ITFG2: variants seen among roughly 807,000 people sequenced by gnomAD.
ITFG2 encodes integrin alpha FG-GAP repeat containing 2, also known as KICSTOR complex protein ITFG2.
ITFG2 carries 36 observed loss-of-function variants against 54.4 expected under a neutral mutation model. The observed-to-expected ratio is 0.66, with a 90% confidence interval of 0.51 to 0.87. The LOEUF is 0.87. Ranked by LOEUF, ITFG2 falls within the 40% of genes least tolerant of loss-of-function variation. The pLI, the probability that ITFG2 is intolerant of heterozygous loss-of-function variation, is 0.00. For synonymous variants in ITFG2, 211 were observed against 225.4 expected (o/e 0.94, Z 0.57); for missense variants, 524 against 576.7 (o/e 0.91, Z 0.94).
chr12:2,851,720 C>A (rs2098071650), intron 2 of ITFG2, among the ~76,000 whole-genome samples: 1 of 151,150 alleles, frequency 6.6e-6, no homozygotes, highest in Non-Finnish European at 1.5e-5. Flanking sequence ...GATCTGTCAC[C>A]CAGGCTGGAA....
At chr12:2,830,931 CTTAGATACCCCAG>C, downstream of ITFG2, 1 of 1,534,856 alleles carries the variant, frequency 6.5e-7, no homozygotes, top group Admixed American at 1.8e-5. Context: ...AGTTACCCCA[CTTAGATACCCCAG>C]GATGCTCCCC....
chr12:2,820,906 G>T (rs1422154457), intron 6 of ITFG2, 34 bp downstream of exon 6: 1 of 1,607,156 alleles, frequency 6.2e-7, no homozygotes, highest in South Asian at 1.1e-5. Flanking sequence ...TGGTGTGGGG[G>T]TGCATGGAAG....
Position 2,821,355 on chromosome 12 carries a change from A to G in ITFG2, c.789A>G (p.Lys263=). 1.2e-6 allele frequency: 2 copies of G among 1,606,074 alleles called. No individual in the cohort carries two copies. Among genetic ancestry groups the G allele is most frequent in the Non-Finnish European group, 1.7e-6 (2 of 1,175,776 alleles). The change falls in exon 7 of 12, where the codon AAA becomes AAG. Residue 263 remains lysine (K), a synonymous_variant. Coordinates refer to ENST00000228799, the MANE Select transcript of ITFG2 (RefSeq NM_018463.4). ...NVSTHLIGNI[K]QGHGTESSGS... The stretch of plus-strand genomic sequence containing the variant: ...CCACTCACCTAATTGGCAACATCAA[A>G]CAAGGTGAAAGTGTGGTGGGTGTGA...
At chr12:2,828,302 C>G, downstream of ITFG2, 1 of 1,594,136 alleles carries the variant, frequency 6.3e-7, no homozygotes, top group Non-Finnish European at 8.6e-7. Context: ...AACCCTGTCC[C>G]CCACTTGCTT....
intron 9 of ITFG2, among the ~76,000 whole-genome samples, 167 bp from the exon 10 acceptor site, chr12:2,822,627 A>G (rs2097949277): frequency 6.6e-6 from 1 of 152,094 alleles, no homozygotes; most frequent in African/African-American, 2.4e-5. Flanking sequence ...CCTCAGTATA[A>G]AATTGCCTAC....
chr12:2,839,300 C>T (rs374306027), intron 1 of ITFG2, among the ~76,000 whole-genome samples: 1 of 151,852 alleles, frequency 6.6e-6, no homozygotes, highest in Non-Finnish European at 1.5e-5. Context: ...CAAAAAAAAA[C>T]CAAATAATTA....
chr12:2,830,054 G>A (rs542465872), downstream of ITFG2, among the ~76,000 whole-genome samples: 45 of 152,054 alleles, frequency 3.0e-4, no homozygotes, highest in South Asian at 8.4e-3. Context: ...TCCAGCCTGG[G>A]TGACAGAGCG....
At position 2,855,228 on chromosome 12, in the gene ITFG2, C is replaced by A. The variant is rs568961707; in HGVS notation, n.301-2784C>A. ...CAGGCAGACGGCACACATCGAGCCA[C>A]GTGTGAAAGCCCCAGGTGTGCTGGG... On this transcript the variant is annotated intron_variant and non_coding_transcript_variant, in intron 2 of 3. Transcript: ENST00000537710. 4.6e-6 allele frequency: 7 copies of A among 1,505,506 alleles called. No homozygotes were observed. The Admixed American group carries it at 6.1e-5, about 13-fold the overall frequency. The allele number at this position is 1,505,506 out of a possible 1,614,324, so 93.3% of individuals were successfully genotyped here. A position where few individuals can be genotyped will look rare whatever the true frequency, so the allele number is the denominator to read the frequency against.
At chr12:2,849,234 G>A (rs941803870) in intron 2 of ITFG2, 16 of 1,535,312 alleles carry the variant, frequency 1.0e-5, no homozygotes, top group Non-Finnish European at 1.4e-5. Context: ...AGCCCTTCTA[G>A]AAGTGTCCAG....
chr12:2,820,628 GCCCCCGCCCCCGCCCAC>G, intron 5 of ITFG2, 79 bp from the exon 6 acceptor site: 3 of 251,778 alleles, frequency 1.2e-5, no homozygotes, highest in South Asian at 8.9e-5. Flanking sequence ...CCCTGCCCCT[GCCCCCGCCCCCGCCCAC>G]CCACCGCCCC....
downstream of ITFG2, chr12:2,827,673 A>C: frequency 1.2e-6 from 2 of 1,614,138 alleles, no homozygotes; most frequent in Admixed American, 3.3e-5. The surrounding 1 kb of genome is among the most constrained non-coding windows in gnomAD (Gnocchi z 4.0). Flanking sequence ...CAGGACTCTC[A>C]GCATCTATAG....
chr12:2,818,908 C>T (rs920551219), intron 4 of ITFG2, among the ~76,000 whole-genome samples: 38 of 152,020 alleles, frequency 2.5e-4, no homozygotes, highest in African/African-American at 8.0e-4. Context: ...ATCCCAGCTA[C>T]TCAGGAGACT....
intron 6 of ITFG2, 149 bp downstream of exon 6, chr12:2,821,021 T>G: frequency 1.1e-6 from 1 of 874,910 alleles, no homozygotes; most frequent in Non-Finnish European, 1.7e-6. Context: ...CTGGGGAAGA[T>G]TACTTTAAGA....
intron 1 of ITFG2, among the ~76,000 whole-genome samples, chr12:2,837,854 A>G (rs1206015087): frequency 6.6e-6 from 1 of 152,100 alleles, no homozygotes; most frequent in African/African-American, 2.4e-5. Context: ...CTTAGAAAAT[A>G]TGCCCAAGAT....
upstream of ITFG2, among the ~76,000 whole-genome samples, chr12:2,832,021 G>T (rs1366017378): frequency 6.6e-6 from 1 of 151,998 alleles, no homozygotes; most frequent in Non-Finnish European, 1.5e-5. Flanking sequence ...CATCTGCTTG[G>T]AGCTTCAGCC....
rs2153925125 is a variant in ITFG2 at position 2,824,111 on chromosome 12, C to T, written c.1262C>T (p.Thr421Ile). Reference sequence around the variant, plus strand: ...TCAGATCCTGACGACCTCCCTGTGACTCGTGCCCTGCTTCACCAAACGCTC... The same window carrying T: ...TCAGATCCTGACGACCTCCCTGTGATTCGTGCCCTGCTTCACCAAACGCTC... ...LGVDPDDLPV[T>I]RALLHQTLYH... The change falls in exon 12 of 12, where the codon ACT becomes ATT. Residue 421 changes from threonine (T) to isoleucine (I), a missense_variant. Physicochemically the swap from Thr to Ile is moderately conservative, Grantham distance 89. Coordinates refer to ENST00000228799, the MANE Select transcript of ITFG2 (RefSeq NM_018463.4). 4.3e-6 allele frequency: 7 copies of T among 1,614,140 alleles called. No individual in the cohort carries two copies. Among genetic ancestry groups the T allele is most frequent in the Middle Eastern group, 1.6e-4 (1 of 6,062 alleles).
chr12:2,859,286 C>G (rs1603499050), intron 3 of ITFG2: 2 of 1,613,664 alleles, frequency 1.2e-6, no homozygotes, highest in East Asian at 2.2e-5. Flanking sequence ...GCAGTAGATG[C>G]TGTTTTCTCC....
chr12:2,827,654 G>T, downstream of ITFG2: 1 of 1,614,136 alleles, frequency 6.2e-7, no homozygotes, highest in Non-Finnish European at 8.5e-7. This position sits in a 1 kb window ranked among gnomAD's most constrained non-coding sequence, Gnocchi z 4.0. Context: ...TGCAGGCCCA[G>T]GCAGAATTCA....
In ITFG2 at chr12:2,858,815, C is replaced by T. The variant is rs201630079; in HGVS notation, n.620+484C>T. Reference sequence around the variant, plus strand: ...CTGCAAGGCCAGAAACCTGTGGCTCCGGGGAGCCTGGCTTGGGGACGTCTA... The same window carrying T: ...CTGCAAGGCCAGAAACCTGTGGCTCTGGGGAGCCTGGCTTGGGGACGTCTA... On this transcript the variant is annotated intron_variant and non_coding_transcript_variant, in intron 3 of 3. Coordinates refer to the ITFG2 transcript ENST00000537710. 1.2e-4 allele frequency: 187 copies of T among 1,614,104 alleles called. 1 individual carries two copies. The South Asian group carries it at 1.8e-3, about 16-fold the overall frequency.
Sources: allele counts gnomAD v4.1 joint callset (sites outside exome capture counted in the v4.1 genomes callset), GRCh38; gene constraint gnomAD v4.1.1; non-coding constraint Gnocchi (gnomAD v3.1); transcripts MANE v1.5; gene names NCBI Gene and HGNC (gene_info 2026-07-23, HGNC 2026-07-21).